The following TENM3 variants were observed in gnomAD, a reference collection of about 807,000 sequenced individuals.
TENM3 encodes teneurin-3.
TENM3 carries 63 observed loss-of-function variants against 255.1 expected under a neutral mutation model. The observed-to-expected ratio is 0.25, with a 90% CI of 0.20 to 0.30. The LOEUF (loss-of-function observed/expected upper bound fraction) is 0.30, where lower values mean the gene tolerates loss of function less well. Ranked by LOEUF, TENM3 falls within the 10% of genes least tolerant of loss-of-function variation. The pLI, the probability that TENM3 is intolerant of heterozygous loss-of-function variation, is 1.00. For synonymous variants in TENM3, 1,306 were observed against 1,322.3 expected (o/e 0.99, Z 0.27); for missense variants, 2,929 against 3,461.1 (o/e 0.85, Z 3.86).
At chr4:182,678,433 T>C (rs34159651) in intron 7 of TENM3, among the ~76,000 whole-genome samples, 34,580 of 152,094 alleles carry the variant, frequency 0.23, 4,252 homozygotes, top group African/African-American at 0.32. Flanking sequence ...AGATCAAAGA[T>C]GTAAAGGCAT....
At chr4:182,043,775 A>G in the TENM3 span, among the ~76,000 whole-genome samples, 9 of 152,192 alleles carry the variant, frequency 5.9e-5, no homozygotes, top group Admixed American at 5.2e-4. Flanking sequence ...AATATAACTC[A>G]ATATTCAGTG....
the TENM3 span, among the ~76,000 whole-genome samples, chr4:181,671,157 G>T: frequency 9.4e-4 from 143 of 152,210 alleles, no homozygotes; most frequent in African/African-American, 3.3e-3. Flanking sequence ...ATATGAGGTG[G>T]AGTAAATTAG....
chr4:181,925,033 C>A, the TENM3 span, among the ~76,000 whole-genome samples: 1 of 152,080 alleles, frequency 6.6e-6, no homozygotes, highest in African/African-American at 2.4e-5. Context: ...TGTGACAGAG[C>A]GTCTTCTATT....
intron 1 of TENM3, among the ~76,000 whole-genome samples, chr4:182,150,004 G>A (rs1186891168): frequency 6.6e-6 from 1 of 151,928 alleles, no homozygotes; most frequent in Non-Finnish European, 1.5e-5. Flanking sequence ...TAAAAGTCAT[G>A]GGATACAAAA....
At chr4:181,888,533 T>TATATATATA in the TENM3 span, among the ~76,000 whole-genome samples, 1 of 68,184 alleles carries the variant, frequency 1.5e-5, no homozygotes, top group African/African-American at 7.1e-5. Context: ...TATACATATA[T>TATATATATA]GTGTATATAT....
chr4:182,744,633 A>T (rs970696150), intron 19 of TENM3, among the ~76,000 whole-genome samples: 3 of 152,308 alleles, frequency 2.0e-5, no homozygotes, highest in African/African-American at 7.2e-5. Context: ...AAAACATACG[A>T]TTATGTGAAC....
chr4:181,877,409 T>C, the TENM3 span, among the ~76,000 whole-genome samples: 1 of 152,214 alleles, frequency 6.6e-6, no homozygotes, highest in Admixed American at 6.5e-5. Context: ...TTTATAGCTA[T>C]ATTTTGTTTC....
chr4:182,302,839 T>C (rs1183155740), intron 1 of TENM3, among the ~76,000 whole-genome samples: 1 of 152,202 alleles, frequency 6.6e-6, no homozygotes, highest in African/African-American at 2.4e-5. Context: ...AGAACTGAGC[T>C]TCCAGGTATG....
intron 3 of TENM3, among the ~76,000 whole-genome samples, chr4:182,391,854 C>T (rs1249706460): frequency 1.3e-5 from 2 of 151,954 alleles, no homozygotes; most frequent in Non-Finnish European, 1.5e-5. Flanking sequence ...TTGACTTCTT[C>T]CTCTACAAAA....
chr4:181,773,088 A>T, the TENM3 span, among the ~76,000 whole-genome samples: 2 of 152,192 alleles, frequency 1.3e-5, no homozygotes, highest in Non-Finnish European at 2.9e-5. Context: ...ACATCTGCTC[A>T]CCAGCACCCA....
At chr4:182,610,833 T>A (rs1486350216) in intron 4 of TENM3, among the ~76,000 whole-genome samples, 4 of 149,476 alleles carry the variant, frequency 2.7e-5, no homozygotes, top group Non-Finnish European at 5.9e-5. Context: ...AACCTTGACC[T>A]CCTGGGCTCA....
the TENM3 span, among the ~76,000 whole-genome samples, chr4:182,061,797 A>G: frequency 6.6e-6 from 1 of 151,166 alleles, no homozygotes; most frequent in Non-Finnish European, 1.5e-5. Context: ...CATCTCTACA[A>G]AAAAAAAATT....
At chr4:181,489,180 A>G in the TENM3 span, among the ~76,000 whole-genome samples, 1 of 152,046 alleles carries the variant, frequency 6.6e-6, no homozygotes, top group Non-Finnish European at 1.5e-5. Context: ...GAAAACCTCA[A>G]CCTCTTTCTG....
At chr4:181,762,136 A>G in the TENM3 span, among the ~76,000 whole-genome samples, 135,394 of 152,038 alleles carry the variant, frequency 0.89, 60,423 homozygotes, top group East Asian at 0.94. Context: ...AGTAAAAGAA[A>G]CAGACAGGTT....
chr4:181,989,246 A>G, the TENM3 span, among the ~76,000 whole-genome samples: 1 of 152,106 alleles, frequency 6.6e-6, no homozygotes, highest in Non-Finnish European at 1.5e-5. Flanking sequence ...TCACAAGGAC[A>G]GACACTAGAA....
chr4:181,952,325 A>G, the TENM3 span, among the ~76,000 whole-genome samples: 1 of 152,192 alleles, frequency 6.6e-6, no homozygotes, highest in African/African-American at 2.4e-5. Context: ...ATTCCATTTT[A>G]GGTAGACCTG....
chr4:182,439,155 T>C (rs1419978542), intron 3 of TENM3, among the ~76,000 whole-genome samples: 2 of 152,234 alleles, frequency 1.3e-5, no homozygotes, highest in African/African-American at 4.8e-5. Context: ...TACAGATACA[T>C]CTGTGAAGTT....
chr4:182,743,231 T>C lies in TENM3; in HGVS notation c.3441T>C (p.Ser1147=), dbSNP rs770904958. ...TCTCCCAGCAGCCTCCAGTCGTGAG[T>C]AGCATCATGGGCAATGGGCGAAGGC... ...QFISQQPPVV[S]SIMGNGRRRS... Residue 1147 remains serine (S), a synonymous_variant, in exon 19 of 28, where the codon AGT becomes AGC. Coordinates refer to ENST00000511685, the MANE Select transcript of TENM3 (RefSeq NM_001080477.4). 2.1e-5 allele frequency: 34 copies of C among 1,613,852 alleles called. No homozygotes were observed. The highest frequency in any genetic ancestry group is 2.8e-5 in the Non-Finnish European group (33 of 1,179,884).
intron 1 of TENM3, among the ~76,000 whole-genome samples, chr4:182,161,804 C>CATATATATGTGTATATATAT (rs1379600252): frequency 5.8e-5 from 1 of 17,346 alleles, no homozygotes; most frequent in African/African-American, 1.6e-4. Flanking sequence ...TATATATATA[C>CATATATATGTGTATATATAT]ACATATATAT....
Sources: gnomAD v4.1 joint callset for allele counts (sites outside exome capture counted in the v4.1 genomes callset) on GRCh38, gnomAD v4.1.1 for gene constraint, MANE v1.5 for transcripts, NCBI Gene and HGNC (gene_info 2026-07-23, HGNC 2026-07-21) for gene names.